MRPL28: variants seen among roughly 807,000 people sequenced by gnomAD.
The protein encoded by MRPL28 is large ribosomal subunit protein bL28m.
A neutral mutation model predicts 26.2 loss-of-function variants in MRPL28; 25 were observed. That is an observed-to-expected ratio of 0.95 (90% CI 0.69 to 1.33). MRPL28 has a LOEUF of 1.33. Ranked by LOEUF, MRPL28 falls within the 40% of genes most tolerant of loss-of-function variation. The pLI, the probability that MRPL28 is intolerant of heterozygous loss-of-function variation, is 0.00. For missense variants in MRPL28, 432 were observed against 327.2 expected (o/e 1.32, Z -2.47); for synonymous variants, 227 against 140.1 (o/e 1.62, Z -4.38).
At position 367,302 on chromosome 16, in the gene MRPL28, T is replaced by C; in HGVS notation, c.*373A>G. ...CACAGCCAGAGTCAATGCCCACGGC[T>C]CATCCGAGGTCTCAGGGGCAGCAAG... On this transcript the variant is annotated 3_prime_UTR_variant, in exon 6 of 6. Coordinates refer to ENST00000199706, the MANE Select transcript of MRPL28 (RefSeq NM_006428.5). 1 of 600,912 alleles carries C rather than the reference T, an allele frequency of 1.7e-6. No individual in the cohort carries two copies. The highest frequency in any genetic ancestry group is 2.0e-5 in the South Asian group (1 of 48,910). 37.2% of individuals were successfully genotyped at this position (600,912 alleles called of 1,614,324 possible).
chr16:369,089 C>A lies in MRPL28; in HGVS notation c.420G>T (p.Gly140=), dbSNP rs751042363. 1 of 1,613,808 alleles carries A rather than the reference C, an allele frequency of 6.2e-7. No homozygotes were observed. Among genetic ancestry groups the A allele is most frequent in the Admixed American group, 1.7e-5 (1 of 60,006 alleles). ...TTGCCTTGAGGATGTAAAAGTCGAGCCCATAAGCCTCATCGATGAGGTCCA... is the reference window on the plus strand; with the variant it reads ...TTGCCTTGAGGATGTAAAAGTCGAGACCATAAGCCTCATCGATGAGGTCCA... ...RTLDLIDEAY[G]LDFYILKTPK... is the part of the protein sequence containing the mutation. Residue 140 remains glycine (G), a synonymous_variant, in exon 3 of 6, where the codon GGG becomes GGT. Transcript: ENST00000199706.
Position 367,271 on chromosome 16 carries a change from G to T in MRPL28, c.*404C>A. On this transcript the variant is annotated 3_prime_UTR_variant, in exon 6 of 6. Coordinates refer to ENST00000199706, the MANE Select transcript of MRPL28 (RefSeq NM_006428.5). ...CCTCGCTCTCTGCAGCTCACCGGGG[G>T]ACGGGCACAGCCAGAGTCAATGCCC... The T allele has an allele frequency of 1.7e-6, 1 of 574,580 alleles. No individual in the cohort carries two copies. The highest frequency in any genetic ancestry group is 2.4e-5 in the South Asian group (1 of 41,718). 35.6% of individuals were successfully genotyped at this position (574,580 alleles called of 1,614,324 possible).
rs745764010 is a variant in MRPL28, at chr16:369,094, A to G, written c.415T>C (p.Tyr139His). The change falls in exon 3 of 6, where the codon TAT becomes CAT. Residue 139 changes from tyrosine (Y) to histidine (H), a missense_variant. Physicochemically the swap from Tyr to His is moderately conservative, Grantham distance 83. Coordinates refer to ENST00000199706, the MANE Select transcript of MRPL28 (RefSeq NM_006428.5). ...TTGAGGATGTAAAAGTCGAGCCCAT[A>G]AGCCTCATCGATGAGGTCCAGGGTC... ...MRTLDLIDEA[Y>H]GLDFYILKTP... 1.2e-6 allele frequency: 2 copies of G among 1,613,908 alleles called. No homozygotes were observed. Among genetic ancestry groups the G allele is most frequent in the East Asian group, 2.2e-5 (1 of 44,878 alleles).
At chr16:369,244 T>G (rs551684435) in intron 2 of MRPL28, 24 bp from the exon 3 acceptor site, 23 of 1,609,392 alleles carry the variant, frequency 1.4e-5, no homozygotes, top group East Asian at 1.3e-4. Flanking sequence ...AGAGCCTCCA[T>G]GAGTACTGCT....
At position 367,708 on chromosome 16, in the gene MRPL28, C is replaced by T. The variant is rs780638473; in HGVS notation, c.738G>A (p.Pro246=). 24 of 1,613,762 alleles carry T rather than the reference C, an allele frequency of 1.5e-5. No homozygotes were observed. Among genetic ancestry groups the T allele is most frequent in the East Asian group, 4.5e-5 (2 of 44,904 alleles). ...QQLQQQALSE[P]AVVQKRASGQ ...CACTGGCTCTCTTCTGCACCACCGC[C>T]GGCTCTGACAGTGCCTGCTGCTGCA... Residue 246 remains proline, a synonymous_variant, in exon 6 of 6, where the codon CCG becomes CCA. Coordinates refer to ENST00000199706, the MANE Select transcript of MRPL28 (RefSeq NM_006428.5).
intron 2 of MRPL28, 50 bp from the exon 3 acceptor site, chr16:369,270 C>G: frequency 6.9e-7 from 1 of 1,442,880 alleles, no homozygotes; most frequent in African/African-American, 3.0e-5. Context: ...CTCTTACATA[C>G]CAAGGGGGGC....
chr16:369,833 G>C (rs2054303171), intron 2 of MRPL28, 98 bp downstream of exon 2: 1 of 1,448,604 alleles, frequency 6.9e-7, no homozygotes, highest in Non-Finnish European at 9.3e-7. Context: ...GTAATCCCCA[G>C]GGCCCACCCA....
intron 2 of MRPL28, 118 bp from the exon 3 acceptor site, chr16:369,338 G>A (rs575820583): frequency 7.5e-7 from 1 of 1,334,882 alleles, no homozygotes. Context: ...ACTGCTGTCA[G>A]ACTGGGGACC....
chr16:368,256 A>G, intron 5 of MRPL28, 72 bp downstream of exon 5: 1 of 1,545,758 alleles, frequency 6.5e-7, no homozygotes, highest in Non-Finnish European at 8.9e-7. Context: ...GGCTCTCTCC[A>G]AGGCAGCACA....
Position 369,144 on chromosome 16 carries a change from T to C in MRPL28, c.365A>G (p.Lys122Arg), listed in dbSNP as rs1442068137. 1.9e-6 allele frequency: 3 copies of C among 1,614,078 alleles called. No individual in the cohort carries two copies. The highest frequency in any genetic ancestry group is 2.5e-6 in the Non-Finnish European group (3 of 1,179,948). ...REFYSEILDK[K>R]FTVTVTMRTL... ...CCGCATGGTCACAGTCACTGTGAAC[T>C]TCTTGTCCAGGATCTCACTGTAGAA... Residue 122 changes from lysine to arginine, a missense_variant, in exon 3 of 6, where the codon AAG (lysine) becomes AGG (arginine). Lys to Arg is a conservative substitution (Grantham distance 26). Transcript: ENST00000199706.
chr16:367,346 A>T lies in MRPL28; in HGVS notation c.*329T>A. 1.6e-6 allele frequency: 1 copy of T among 639,346 alleles called. No homozygotes were observed. Among genetic ancestry groups the T allele is most frequent in the Non-Finnish European group, 2.9e-6 (1 of 340,794 alleles). 39.6% of individuals were successfully genotyped at this position (639,346 alleles called of 1,614,324 possible). ...CAGCAAGGGCAGGGGTGACAGGATC[A>T]GGATCCCCAAAGAGAACACCAGTCC... On this transcript the variant is annotated 3_prime_UTR_variant, in exon 6 of 6. Coordinates refer to ENST00000199706, the MANE Select transcript of MRPL28 (RefSeq NM_006428.5).
intron 2 of MRPL28, chr16:369,557 C>T (rs1284373255): frequency 8.4e-6 from 6 of 710,440 alleles, no homozygotes; most frequent in East Asian, 2.7e-5. Context: ...TCCCCACAGG[C>T]TTCAGCAGTC....
At chr16:369,777 C>T in intron 2 of MRPL28, 154 bp downstream of exon 2, 2 of 1,022,256 alleles carry the variant, frequency 2.0e-6, no homozygotes, top group Non-Finnish European at 2.9e-6. Context: ...AACTGCGGTT[C>T]TTCACTCAGC....
At position 368,538 on chromosome 16, in the gene MRPL28, T is replaced by A; in HGVS notation, c.539A>T (p.Asp180Val). 6.3e-7 allele frequency: 1 copy of A among 1,595,696 alleles called. No individual in the cohort carries two copies. The change falls in exon 4 of 6, where the codon GAC becomes GTC. Residue 180 changes from aspartate to valine, a missense_variant. Asp to Val is a radical substitution (Grantham distance 152). Transcript: ENST00000199706. ...GTAGATGGCTGCCCGCCGCTCGGGG[T>A]CCTCGGGGTGCAGCTGGGGGTCCTG... is the stretch of plus-strand genomic sequence containing the variant. ...ARQDPQLHPE[D>V]PERRAAIYDK...
intron 2 of MRPL28, 86 bp from the exon 3 acceptor site, chr16:369,306 C>G: frequency 1.3e-6 from 2 of 1,510,642 alleles, no homozygotes; most frequent in Non-Finnish European, 9.0e-7. Flanking sequence ...CACCTCCCCC[C>G]CGGAGGCTCC....
In MRPL28 at chr16:367,748, T is replaced by C. The variant is rs1381085360; in HGVS notation, c.698A>G (p.Glu233Gly). 1.9e-6 allele frequency: 3 copies of C among 1,613,842 alleles called. No homozygotes were observed. The Admixed American group carries it at 5.0e-5, about 27-fold the overall frequency. ...CTGCTGCTGCAGCTGCTGGATCAGC[T>C]CCGCCACATAGATCTTGAACAGGGG... is the stretch of plus-strand genomic sequence containing the variant. ...PVPLFKIYVA[E>G]LIQQLQQQAL... The change falls in exon 6 of 6, where the codon GAG becomes GGG. Residue 233 changes from glutamate to glycine, a missense_variant. Glu to Gly is a moderately conservative substitution (Grantham distance 98). Transcript: ENST00000199706.
In MRPL28 at chr16:370,007, AAGT is replaced by A. The variant is rs2054306057; in HGVS notation, c.209_211del (p.Tyr70del). On this transcript the variant is annotated inframe_deletion, in exon 2 of 6. Coordinates refer to ENST00000199706, the MANE Select transcript of MRPL28 (RefSeq NM_006428.5). ...CAACCCCCGCTGGGATTCGGGGGGAAAGTAGATGGGAATGGGCACGTCCTCCAC... is the reference window on the plus strand; with the variant it reads ...CAACCCCCGCTGGGATTCGGGGGGAAAGATGGGAATGGGCACGTCCTCCAC... 1 of 1,613,118 alleles carries A rather than the reference AAGT, an allele frequency of 6.2e-7. No individual in the cohort carries two copies. Among genetic ancestry groups the A allele is most frequent in the African/African-American group, 1.3e-5 (1 of 74,882 alleles).
chr16:369,301 C>A, intron 2 of MRPL28, 81 bp from the exon 3 acceptor site: 3 of 1,504,378 alleles, frequency 2.0e-6, no homozygotes, highest in Non-Finnish European at 2.7e-6. Flanking sequence ...GCCCTCACCT[C>A]CCCCCCGGAG....
In MRPL28 at chr16:368,573, C is replaced by A; in HGVS notation, c.504G>T (p.Arg168=). 6.3e-7 allele frequency: 1 copy of A among 1,599,050 alleles called. No homozygotes were observed. Among genetic ancestry groups the A allele is most frequent in the Non-Finnish European group, 8.5e-7 (1 of 1,171,018 alleles). ...GCAGCTGGGGGTCCTGCCGGGCAAGCCGCAGCAGCATCCCTCGCTTCAGGT... is the reference window on the plus strand; with the variant it reads ...GCAGCTGGGGGTCCTGCCGGGCAAGACGCAGCAGCATCCCTCGCTTCAGGT... ...GMDLKRGMLL[R]LARQDPQLHP... is the part of the protein sequence containing the mutation. The change falls in exon 4 of 6, where the codon CGG becomes CGT. Residue 168 remains arginine, a synonymous_variant. Coordinates refer to ENST00000199706, the MANE Select transcript of MRPL28 (RefSeq NM_006428.5).
Sources: allele counts gnomAD v4.1 joint callset, GRCh38; gene constraint gnomAD v4.1.1; transcripts MANE v1.5; gene names NCBI Gene and HGNC (gene_info 2026-07-23, HGNC 2026-07-21).